LGSN: variants seen among roughly 807,000 people sequenced by gnomAD.
The protein encoded by LGSN is lengsin, lens protein with glutamine synthetase domain.
Under a neutral mutation model 19.5 loss-of-function variants are expected in LGSN, and 21 were observed. The observed-to-expected ratio is 1.07, with a 90% CI of 0.76 to 1.55. The LOEUF is 1.55. LGSN is among the 40% of genes most tolerant of loss of function. The pLI, the probability that LGSN is intolerant of heterozygous loss-of-function variation, is 0.00. For missense variants in LGSN, 673 were observed against 608.5 expected, an observed-to-expected ratio of 1.11 and a Z score of -1.12; for synonymous variants, 257 against 215.6, an observed-to-expected ratio of 1.19 and a Z score of -1.68.
chr6:63,449,485 C>T, the LGSN span, among the ~76,000 whole-genome samples: 2 of 150,322 alleles, frequency 1.3e-5, no homozygotes, highest in Non-Finnish European at 3.0e-5. Context: ...GCAGAGGTTG[C>T]AGTGAGCCGA....
At chr6:63,448,328 G>A in the LGSN span, among the ~76,000 whole-genome samples, 1 of 152,142 alleles carries the variant, frequency 6.6e-6, no homozygotes, top group Non-Finnish European at 1.5e-5. Flanking sequence ...CAGCTATTCA[G>A]ATTGGTTTGA....
the LGSN span, among the ~76,000 whole-genome samples, chr6:63,330,196 C>T: frequency 6.6e-6 from 1 of 152,208 alleles, no homozygotes; most frequent in Admixed American, 6.5e-5. Context: ...TCTCATTGGA[C>T]AATGTTTTTT....
At chr6:63,453,664 C>CT in the LGSN span, among the ~76,000 whole-genome samples, 1 of 150,954 alleles carries the variant, frequency 6.6e-6, no homozygotes, top group African/African-American at 2.4e-5. Context: ...ATAATTTTTT[C>CT]TTTTTTTGAG....
At chr6:63,388,180 T>C in the LGSN span, among the ~76,000 whole-genome samples, 1 of 152,076 alleles carries the variant, frequency 6.6e-6, no homozygotes, top group Non-Finnish European at 1.5e-5. Context: ...CCAGCAATAA[T>C]TTTTGAAACA....
chr6:63,524,096 T>C, the LGSN span, among the ~76,000 whole-genome samples: 1 of 152,110 alleles, frequency 6.6e-6, no homozygotes, highest in Admixed American at 6.6e-5. Context: ...ATTCTCCCCA[T>C]GTCTCAGCTT....
chr6:63,347,747 C>A, the LGSN span, among the ~76,000 whole-genome samples: 1 of 152,174 alleles, frequency 6.6e-6, no homozygotes, highest in Non-Finnish European at 1.5e-5. Context: ...CATTCTTATA[C>A]TCAATTAGTC....
chr6:63,459,555 C>A, the LGSN span, among the ~76,000 whole-genome samples: 1 of 152,074 alleles, frequency 6.6e-6, no homozygotes, highest in Non-Finnish European at 1.5e-5. Context: ...ATACCCACCC[C>A]CGCCGCCCCC....
chr6:63,327,751 C>T, the LGSN span, among the ~76,000 whole-genome samples: 2 of 152,158 alleles, frequency 1.3e-5, no homozygotes, highest in Admixed American at 1.3e-4. Context: ...ATCTCTCTTT[C>T]TTTCTCTTCA....
At chr6:63,522,116 A>G in the LGSN span, among the ~76,000 whole-genome samples, 2 of 152,284 alleles carry the variant, frequency 1.3e-5, no homozygotes, top group East Asian at 1.9e-4. Context: ...ACATAGGTGA[A>G]TCCTTGTCTT....
chr6:63,281,732 G>A (rs1456138321), intron 3 of LGSN, among the ~76,000 whole-genome samples: 2 of 152,058 alleles, frequency 1.3e-5, no homozygotes, highest in Non-Finnish European at 2.9e-5. Context: ...TCAGTACTGT[G>A]GCACACAGCA....
chr6:63,385,743 A>G, the LGSN span, among the ~76,000 whole-genome samples: 1 of 152,320 alleles, frequency 6.6e-6, no homozygotes, highest in South Asian at 2.1e-4. Context: ...ACAATCTTGG[A>G]TCTATCCACT....
the LGSN span, among the ~76,000 whole-genome samples, chr6:63,459,751 TA>T: frequency 4.6e-5 from 7 of 152,032 alleles, no homozygotes; most frequent in African/African-American, 7.2e-5. Flanking sequence ...CTGTCTCTAC[TA>T]AAAATACAAA....
chr6:63,510,819 G>T, the LGSN span, among the ~76,000 whole-genome samples: 1 of 151,532 alleles, frequency 6.6e-6, no homozygotes, highest in Non-Finnish European at 1.5e-5. Flanking sequence ...GACAACAGGC[G>T]CATGTCACCA....
chr6:63,315,508 C>T (rs1768804434), intron 1 of LGSN, among the ~76,000 whole-genome samples: 1 of 151,922 alleles, frequency 6.6e-6, no homozygotes, highest in Admixed American at 6.6e-5. Flanking sequence ...TAGTTACCCT[C>T]AATATCAGGC....
chr6:63,373,379 A>G, the LGSN span, among the ~76,000 whole-genome samples: 4 of 152,224 alleles, frequency 2.6e-5, no homozygotes, highest in African/African-American at 9.6e-5. Flanking sequence ...CAGTGATAAG[A>G]CAAAATGACA....
the LGSN span, among the ~76,000 whole-genome samples, chr6:63,414,782 G>T: frequency 6.6e-6 from 1 of 152,176 alleles, no homozygotes. Flanking sequence ...TTGTGTGGTG[G>T]TGTGGGCCTG....
chr6:63,454,784 T>C, the LGSN span, among the ~76,000 whole-genome samples: 8 of 103,546 alleles, frequency 7.7e-5, no homozygotes, highest in Admixed American at 8.0e-4. Flanking sequence ...GTTTTCTTTT[T>C]TTCTTTTTCT....
At chr6:63,487,380 C>G in the LGSN span, among the ~76,000 whole-genome samples, 1 of 152,294 alleles carries the variant, frequency 6.6e-6, no homozygotes, top group African/African-American at 2.4e-5. Context: ...ATTTATTAAC[C>G]TGGAGTGTAA....
At chr6:63,558,082 G>A in the LGSN span, among the ~76,000 whole-genome samples, 1 of 152,086 alleles carries the variant, frequency 6.6e-6, no homozygotes, top group South Asian at 2.1e-4. Flanking sequence ...ATATTGGCCA[G>A]GCTGGTCTCG....
Sources: gnomAD v4.1 joint callset for allele counts (sites outside exome capture counted in the v4.1 genomes callset) on GRCh38, gnomAD v4.1.1 for gene constraint, MANE v1.5 for transcripts, NCBI Gene and HGNC (gene_info 2026-07-23, HGNC 2026-07-21) for gene names.